The following TENM2 variants were observed in gnomAD, a reference collection of about 807,000 sequenced individuals.
The protein encoded by TENM2 is teneurin transmembrane protein 2.
Under a neutral mutation model 245.2 loss-of-function variants are expected in TENM2, and 52 were observed. The observed-to-expected ratio is 0.21, with a 90% CI of 0.17 to 0.27. TENM2 has a LOEUF of 0.27. TENM2 is among the 10% of genes least tolerant of loss of function. TENM2 has a pLI of 1.00. For synonymous variants in TENM2, 1,363 were observed against 1,438.9 expected (o/e 0.95, Z 1.19); for missense variants, 3,046 against 3,666.8 (o/e 0.83, Z 4.37).
intron 2 of TENM2, among the ~76,000 whole-genome samples, chr5:167,747,771 T>C (rs1279586588): frequency 6.6e-6 from 1 of 152,206 alleles, no homozygotes; most frequent in African/African-American, 2.4e-5. Flanking sequence ...ATTTCATGAA[T>C]TAGGACACAA....
chr5:167,721,142 C>T (rs1476509674), intron 2 of TENM2, among the ~76,000 whole-genome samples: 1 of 152,116 alleles, frequency 6.6e-6, no homozygotes, highest in South Asian at 2.1e-4. Flanking sequence ...GTCCTTCAAT[C>T]ATTCATTAGT....
chr5:167,388,344 T>A lies in TENM2; in HGVS notation c.502+12871T>A, dbSNP rs1017136554. On this transcript the variant is annotated intron_variant, in intron 2 of 28. Coordinates refer to ENST00000518659, the Ensembl canonical transcript of TENM2. Reference sequence around the variant, plus strand: ...ACTGATCTTTTGTATTTCTGTGGTGTCAGTTGTAATACCTCCCGTTTCATT... The same window carrying A: ...ACTGATCTTTTGTATTTCTGTGGTGACAGTTGTAATACCTCCCGTTTCATT... 5.9e-5 allele frequency among the ~76,000 whole-genome samples: 9 copies of A among 152,172 alleles called. No homozygotes were observed. The East Asian group carries it at 1.7e-3, about 29-fold the overall frequency.
the TENM2 span, among the ~76,000 whole-genome samples, chr5:167,089,617 A>G: frequency 6.6e-6 from 1 of 152,148 alleles, no homozygotes; most frequent in Non-Finnish European, 1.5e-5. Flanking sequence ...CTCTTAAAAC[A>G]TACCAAATTT....
chr5:167,284,431 C>G (rs529594408), upstream of TENM2, among the ~76,000 whole-genome samples: 3 of 152,250 alleles, frequency 2.0e-5, no homozygotes, highest in South Asian at 6.2e-4. Context: ...AGGATAAGAT[C>G]AATTTGGCTT....
At chr5:168,174,236 G>C (rs2152476155) in intron 13 of TENM2, among the ~76,000 whole-genome samples, 1 of 152,210 alleles carries the variant, frequency 6.6e-6, no homozygotes, top group South Asian at 2.1e-4. Flanking sequence ...ATTGCACATG[G>C]GCATTCTTTC....
the TENM2 span, among the ~76,000 whole-genome samples, chr5:167,259,215 G>A: frequency 6.6e-6 from 1 of 152,194 alleles, no homozygotes; most frequent in Admixed American, 6.5e-5. Context: ...CAGGTAATGC[G>A]AATGATGGAA....
chr5:167,787,433 C>G (rs896964831), intron 2 of TENM2, among the ~76,000 whole-genome samples: 1 of 152,120 alleles, frequency 6.6e-6, no homozygotes. Flanking sequence ...GCTTCATGAC[C>G]GGGGCTTCCT....
the TENM2 span, among the ~76,000 whole-genome samples, chr5:167,278,806 C>G: frequency 6.6e-6 from 1 of 152,070 alleles, no homozygotes; most frequent in Non-Finnish European, 1.5e-5. Context: ...CTTCAACTAT[C>G]AAAAAATTCT....
At chr5:167,759,731 G>T (rs2150700017) in intron 2 of TENM2, among the ~76,000 whole-genome samples, 1 of 152,234 alleles carries the variant, frequency 6.6e-6, no homozygotes, top group Non-Finnish European at 1.5e-5. Context: ...TGGTTGACCT[G>T]GGAGGAGGCC....
chr5:168,005,807 G>C (rs558441671), intron 5 of TENM2, among the ~76,000 whole-genome samples: 1 of 152,282 alleles, frequency 6.6e-6, no homozygotes, highest in African/African-American at 2.4e-5. Context: ...GGCCAAGTGG[G>C]GTGCAGACCC....
intron 2 of TENM2, among the ~76,000 whole-genome samples, chr5:167,631,941 G>A (rs898339002): frequency 6.6e-6 from 1 of 152,016 alleles, no homozygotes; most frequent in Non-Finnish European, 1.5e-5. Context: ...TCAGGAATTG[G>A]GTCAGTTTTG....
intron 13 of TENM2, among the ~76,000 whole-genome samples, chr5:168,173,347 G>T (rs565013330): frequency 2.0e-5 from 3 of 152,252 alleles, no homozygotes; most frequent in South Asian, 4.2e-4. Flanking sequence ...TCAATGCTGC[G>T]TTGCCACCAA....
chr5:167,476,364 GA>G (rs1767372958), intron 2 of TENM2, among the ~76,000 whole-genome samples: 1 of 152,094 alleles, frequency 6.6e-6, no homozygotes, highest in Non-Finnish European at 1.5e-5. Context: ...TGGTCATTAG[GA>G]AAAATGTTGT....
chr5:167,107,731 A>G, the TENM2 span, among the ~76,000 whole-genome samples: 1 of 152,224 alleles, frequency 6.6e-6, no homozygotes, highest in Non-Finnish European at 1.5e-5. Context: ...TCACTTACAT[A>G]TTCCAGTGAG....
intron 3 of TENM2, among the ~76,000 whole-genome samples, chr5:167,897,921 G>T: frequency 6.8e-6 from 1 of 147,520 alleles, no homozygotes; most frequent in African/African-American, 2.6e-5. Context: ...GCATCTGCTG[G>T]GCACCGGGTA....
intron 2 of TENM2, among the ~76,000 whole-genome samples, chr5:167,655,795 C>G (rs6878759): frequency 6.6e-6 from 1 of 152,004 alleles, no homozygotes; most frequent in African/African-American, 2.4e-5. Context: ...TTTGTTGAAA[C>G]GTTTTTGACA....
chr5:167,930,480 T>C (rs192871956), intron 3 of TENM2, among the ~76,000 whole-genome samples: 1 of 151,402 alleles, frequency 6.6e-6, no homozygotes, highest in Admixed American at 6.6e-5. Flanking sequence ...TTTATTTATT[T>C]ATTTATTTAT....
the TENM2 span, among the ~76,000 whole-genome samples, chr5:167,236,800 A>G: frequency 2.0e-5 from 3 of 151,934 alleles, no homozygotes; most frequent in Non-Finnish European, 4.4e-5. Context: ...TAACAAGAAT[A>G]TATTCTTTCT....
In TENM2 at chr5:167,412,862, AAT is replaced by A. The variant is rs570907663; in HGVS notation, c.502+37392_502+37393del. ...TAGGGAGATGAGTGCAGAGTCTGAA[AAT>A]ATGTCATCGAAAGCAAAAAAAAAAA... On this transcript the variant is annotated intron_variant, in intron 2 of 28. Transcript: ENST00000518659. 7.6e-5 allele frequency among the ~76,000 whole-genome samples: 11 copies of A among 143,828 alleles called. No homozygotes were observed. In the South Asian group the frequency reaches 2.6e-3, roughly 35 times the overall value. The allele number at this position is 143,828 out of a possible 152,430, so 94.4% of individuals were successfully genotyped here. A position where few individuals can be genotyped will look rare whatever the true frequency, so the allele number is the denominator to read the frequency against.
Sources: gnomAD v4.1 joint callset for allele counts (sites outside exome capture counted in the v4.1 genomes callset) on GRCh38, gnomAD v4.1.1 for gene constraint, MANE v1.5 for transcripts, NCBI Gene and HGNC (gene_info 2026-07-23, HGNC 2026-07-21) for gene names.